The following SGCD variants were observed in gnomAD, a reference collection of about 807,000 sequenced individuals.
The protein encoded by SGCD is delta-sarcoglycan.
A neutral mutation model predicts 36.6 loss-of-function variants in SGCD; 18 were observed. The observed-to-expected ratio is 0.49, with a 90% CI of 0.34 to 0.73. The LOEUF (loss-of-function observed/expected upper bound fraction) is 0.73, where lower values mean the gene tolerates loss of function less well. Ranked by LOEUF, SGCD falls within the 30% of genes least tolerant of loss-of-function variation. The pLI, the probability that SGCD is intolerant of heterozygous loss-of-function variation, is 0.01. For missense variants in SGCD, 387 were observed against 346.7 expected (o/e 1.12, Z -0.92); for synonymous variants, 133 against 130.6 (o/e 1.02, Z -0.12).
intron 1 of SGCD, among the ~76,000 whole-genome samples, chr5:156,102,756 G>T (rs1761549790): frequency 6.6e-6 from 1 of 152,114 alleles, no homozygotes; most frequent in Non-Finnish European, 1.5e-5. Context: ...TTTATATAGG[G>T]TATTACATGC....
intron 3 of SGCD, among the ~76,000 whole-genome samples, chr5:156,396,375 A>C (rs943296659): frequency 7.2e-5 from 11 of 152,142 alleles, no homozygotes; most frequent in Non-Finnish European, 1.5e-5. Context: ...TGATGAGAAA[A>C]CTGCTGGGTT....
At chr5:155,892,459 G>GAAAAAAAAAAAAAA (rs70981989) in intron 1 of SGCD, among the ~76,000 whole-genome samples, 2 of 94,312 alleles carry the variant, frequency 2.1e-5, no homozygotes, top group Non-Finnish European at 4.1e-5. Flanking sequence ...ATCTGAAAAA[G>GAAAAAAAAAAAAAA]AAAAAAAAAA....
chr5:155,813,593 G>A, the SGCD span, among the ~76,000 whole-genome samples: 1 of 152,164 alleles, frequency 6.6e-6, no homozygotes, highest in East Asian at 1.9e-4. Flanking sequence ...GATATTTTTT[G>A]TGTTGTTGAG....
chr5:156,251,125 CT>C (rs1765565745), intron 3 of SGCD, among the ~76,000 whole-genome samples: 1 of 152,170 alleles, frequency 6.6e-6, no homozygotes, highest in African/African-American at 2.4e-5. Flanking sequence ...AAGGATCTGT[CT>C]CTTCATGTTT....
intron 3 of SGCD, among the ~76,000 whole-genome samples, chr5:156,227,766 T>C (rs1032612974): frequency 1.3e-5 from 2 of 152,172 alleles, no homozygotes; most frequent in African/African-American, 2.4e-5. Flanking sequence ...GACTTTTCGA[T>C]GTAGGCATTT....
chr5:156,716,034 C>T lies in SGCD; in HGVS notation c.576-41547C>T, dbSNP rs1004557347. 3.9e-5 allele frequency among the ~76,000 whole-genome samples: 6 copies of T among 152,034 alleles called. No individual in the cohort carries two copies. In the South Asian group the frequency reaches 8.3e-4, roughly 21 times the overall value. ...TTTGCAAGAAAAGAACGTGTATTGC[C>T]GAAACTATATTTAGTATAAATGATT... On this transcript the variant is annotated intron_variant, in intron 7 of 8. Transcript: ENST00000337851.
At chr5:156,199,002 A>G (rs1764083862) in intron 3 of SGCD, among the ~76,000 whole-genome samples, 1 of 152,052 alleles carries the variant, frequency 6.6e-6, no homozygotes, top group Non-Finnish European at 1.5e-5. Flanking sequence ...GCTCAATGGT[A>G]TTTGAATAAT....
intron 3 of SGCD, among the ~76,000 whole-genome samples, chr5:156,313,986 AAAATCTT>A: frequency 6.6e-6 from 1 of 152,140 alleles, no homozygotes; most frequent in South Asian, 2.1e-4. Context: ...ATACGTCCTG[AAAATCTT>A]AGCCCACAAT....
At chr5:156,269,789 T>C (rs999246098) in intron 3 of SGCD, among the ~76,000 whole-genome samples, 2 of 152,236 alleles carry the variant, frequency 1.3e-5, no homozygotes, top group African/African-American at 2.4e-5. Flanking sequence ...ATGCATAGTT[T>C]GCAAAAGTTT....
At chr5:155,728,983 A>G in the SGCD span, among the ~76,000 whole-genome samples, 1 of 152,162 alleles carries the variant, frequency 6.6e-6, no homozygotes, top group Non-Finnish European at 1.5e-5. Context: ...TAGCGTTTAT[A>G]CCCAGGGGTG....
At chr5:155,864,039 G>C in the SGCD span, among the ~76,000 whole-genome samples, 35 of 152,260 alleles carry the variant, frequency 2.3e-4, no homozygotes, top group African/African-American at 6.7e-4. Flanking sequence ...TGTGTGTGTA[G>C]GGCCATGTGG....
the SGCD span, among the ~76,000 whole-genome samples, chr5:155,860,552 A>G: frequency 6.6e-6 from 1 of 152,334 alleles, no homozygotes. Flanking sequence ...AGAAGGATGA[A>G]AATAATCAAA....
chr5:156,131,313 C>T (rs904920619), intron 3 of SGCD, among the ~76,000 whole-genome samples: 1 of 152,174 alleles, frequency 6.6e-6, no homozygotes, highest in Non-Finnish European at 1.5e-5. Context: ...GGGTGTATGA[C>T]CAATGACAAG....
intron 1 of SGCD, among the ~76,000 whole-genome samples, chr5:156,045,249 AG>A (rs1759735472): frequency 6.6e-6 from 1 of 152,146 alleles, no homozygotes; most frequent in Admixed American, 6.5e-5. Context: ...TTTCAACAAA[AG>A]TTTTGGAGGT....
chr5:156,346,376 G>A (rs1768939592), intron 3 of SGCD, among the ~76,000 whole-genome samples: 2 of 152,100 alleles, frequency 1.3e-5, no homozygotes, highest in Non-Finnish European at 2.9e-5. Flanking sequence ...ATAGCTCACT[G>A]CAGCCATGGA....
chr5:155,938,380 C>T (rs1757259405), intron 1 of SGCD, among the ~76,000 whole-genome samples: 2 of 152,094 alleles, frequency 1.3e-5, no homozygotes, highest in African/African-American at 2.4e-5. Context: ...TCTGACAGCC[C>T]CTTCTGAGTT....
intron 1 of SGCD, among the ~76,000 whole-genome samples, chr5:156,014,838 A>G (rs1455205190): frequency 6.6e-6 from 1 of 152,138 alleles, no homozygotes; most frequent in Non-Finnish European, 1.5e-5. Flanking sequence ...CAGGGTGGTT[A>G]CTTTCTATAG....
At chr5:155,787,747 C>G in the SGCD span, among the ~76,000 whole-genome samples, 1 of 151,900 alleles carries the variant, frequency 6.6e-6, no homozygotes, top group Admixed American at 6.6e-5. Context: ...CTACATGGCA[C>G]CGGAACACCC....
At chr5:156,068,742 G>C (rs1472500834) in intron 1 of SGCD, among the ~76,000 whole-genome samples, 3 of 151,556 alleles carry the variant, frequency 2.0e-5, no homozygotes, top group Admixed American at 2.0e-4. Context: ...CCCACCAACA[G>C]TGTCAAAGTG....
Sources: allele counts gnomAD v4.1 joint callset (sites outside exome capture counted in the v4.1 genomes callset), GRCh38; gene constraint gnomAD v4.1.1; transcripts MANE v1.5; gene names NCBI Gene and HGNC (gene_info 2026-07-23, HGNC 2026-07-21).